The following NEIL1 variants were observed in gnomAD, a reference collection of about 807,000 sequenced individuals.
NEIL1 encodes the protein nei like DNA glycosylase 1.
A neutral mutation model predicts 44.2 loss-of-function variants in NEIL1; 31 were observed. The observed-to-expected ratio is 0.70, with a 90% confidence interval of 0.53 to 0.95. The LOEUF (loss-of-function observed/expected upper bound fraction) is 0.95, where lower values mean the gene tolerates loss of function less well. NEIL1 is among the 40% of genes least tolerant of loss of function. The pLI, the probability that NEIL1 is intolerant of heterozygous loss-of-function variation, is 0.00. For missense variants in NEIL1, 549 were observed against 515.5 expected (o/e 1.07, Z -0.63); for synonymous variants, 254 against 209.7 (o/e 1.21, Z -1.83).
chr15:75,349,500 G>C, intron 2 of NEIL1, 161 bp downstream of exon 2: 3 of 705,708 alleles, frequency 4.3e-6, no homozygotes, highest in Non-Finnish European at 6.9e-6. Flanking sequence ...AGCTCCCTGA[G>C]CCAGTGGGCA....
Position 75,356,080 on chromosome 15 carries a change from C to T in NEIL1, c.*1046C>T, listed in dbSNP as rs1038276859. 3 of 1,613,534 alleles carry T rather than the reference C, an allele frequency of 1.9e-6. No individual in the cohort carries two copies. The highest frequency in any genetic ancestry group is 2.5e-6 in the Non-Finnish European group (3 of 1,179,754). On this transcript the variant is annotated 3_prime_UTR_variant, in exon 10 of 10. Coordinates refer to ENST00000355059, the MANE Select transcript of NEIL1 (RefSeq NM_024608.4). The surrounding 1 kb of genome is among the most constrained non-coding windows in gnomAD (Gnocchi z 5.8). The stretch of plus-strand genomic sequence containing the variant: ...AAGGCTCTGCGAGGGCGAGACTCGA[C>T]CCCCGCCCCAATCCCACACCGCCAC...
intron 7 of NEIL1, 40 bp downstream of exon 7, chr15:75,354,317 G>A (rs375888388): frequency 2.7e-5 from 44 of 1,613,488 alleles, no homozygotes; most frequent in Admixed American, 8.3e-5. Context: ...AGAGCAGAAA[G>A]GACTTCACGC....
chr15:75,349,866 G>A (rs1435737209), intron 2 of NEIL1, among the ~76,000 whole-genome samples: 2 of 152,206 alleles, frequency 1.3e-5, no homozygotes, highest in African/African-American at 4.8e-5. Flanking sequence ...GAGCCAAGAG[G>A]AGGATGGGTA....
intron 2 of NEIL1, among the ~76,000 whole-genome samples, chr15:75,350,907 C>CT (rs780724894): frequency 8.1e-4 from 124 of 152,338 alleles, no homozygotes; most frequent in Middle Eastern, 6.8e-3. Context: ...CCCCAGAACT[C>CT]TGTCTTCTGA....
rs751648947 is a variant in NEIL1, at chr15:75,354,268, G to A, written c.865G>A (p.Ala289Thr). 42 of 1,613,996 alleles carry A rather than the reference G, an allele frequency of 2.6e-5. No homozygotes were observed. The highest frequency in any genetic ancestry group is 3.6e-5 in the Non-Finnish European group (42 of 1,179,992). ...ATTTTAGGGGGATCCTGGACCGTTG[G>A]CACCCAAAGGTAAGCTACTCCTAAT... is the stretch of plus-strand genomic sequence containing the variant. ...IWFQGDPGPLAPKGRKSRKKK... is the reference protein window; with the variant it reads ...IWFQGDPGPLTPKGRKSRKKK... Residue 289 changes from alanine (A) to threonine (T), a missense_variant, in exon 7 of 10, where the codon GCA becomes ACA. By Grantham distance (58) the Ala-to-Thr change is moderately conservative (BLOSUM62 0). Transcript: ENST00000355059.
At chr15:75,352,494 G>A (rs889812128) in intron 4 of NEIL1, 107 bp downstream of exon 4, 1 of 1,547,030 alleles carries the variant, frequency 6.5e-7, no homozygotes, top group Non-Finnish European at 8.9e-7. Context: ...CAACAACAGG[G>A]GTGGGGAGGG....
In NEIL1 at chr15:75,355,265, G is replaced by A. The variant is rs2072257742; in HGVS notation, c.*231G>A. Reference sequence around the variant, plus strand: ...CATTTGAACTTCTTGGCACCTCTTGGTCTGAGATGGCCAGGTAGGAAGGGC... The same window carrying A: ...CATTTGAACTTCTTGGCACCTCTTGATCTGAGATGGCCAGGTAGGAAGGGC... On this transcript the variant is annotated 3_prime_UTR_variant, in exon 10 of 10. Transcript: ENST00000355059. 2.0e-6 allele frequency: 1 copy of A among 509,590 alleles called. No individual in the cohort carries two copies. The highest frequency in any genetic ancestry group is 3.5e-5 in the Admixed American group (1 of 28,474). The allele number at this position is 509,590 out of a possible 1,614,324, so 31.6% of individuals were successfully genotyped here.
At position 75,355,732 on chromosome 15, in the gene NEIL1, CAGACTTCCCA is replaced by C; in HGVS notation, c.*699_*708del. On this transcript the variant is annotated 3_prime_UTR_variant, in exon 10 of 10. Transcript: ENST00000355059. ...AAATACCTGGGAAGCCATCCCACCCCAGACTTCCCACCCCCACCCCAAGCGTGAGGATGGG... is the reference window on the plus strand; with the variant it reads ...AAATACCTGGGAAGCCATCCCACCCCCCCCCACCCCAAGCGTGAGGATGGG... 1.6e-6 allele frequency: 1 copy of C among 612,484 alleles called. No homozygotes were observed. 37.9% of individuals were successfully genotyped at this position (612,484 alleles called of 1,614,324 possible). A position where few individuals can be genotyped will look rare whatever the true frequency, so the allele number is the denominator to read the frequency against.
At chr15:75,352,492 G>C in intron 4 of NEIL1, 105 bp downstream of exon 4, 1 of 1,544,884 alleles carries the variant, frequency 6.5e-7, no homozygotes. Context: ...CTCAACAACA[G>C]GGGTGGGGAG....
At position 75,354,731 on chromosome 15, in the gene NEIL1, C is replaced by A. The variant is rs747060415; in HGVS notation, c.1015C>A (p.Arg339=). Residue 339 remains arginine, a synonymous_variant, in exon 9 of 10, where the codon CGG becomes AGG. Coordinates refer to ENST00000355059, the MANE Select transcript of NEIL1 (RefSeq NM_024608.4). ...CCTTCCTAAGAGGACTGCAACCCAGCGGCCTGAGGGGACCAGCCTCCAGCA... is the reference window on the plus strand; with the variant it reads ...CCTTCCTAAGAGGACTGCAACCCAGAGGCCTGAGGGGACCAGCCTCCAGCA... ...RDLPKRTATQ[R]PEGTSLQQDP... is the part of the protein sequence containing the mutation. 1.5e-5 allele frequency: 25 copies of A among 1,614,018 alleles called. No individual in the cohort carries two copies. The South Asian group carries it at 2.4e-4, about 16-fold the overall frequency.
intron 2 of NEIL1, among the ~76,000 whole-genome samples, chr15:75,350,572 T>A (rs1567236733): frequency 6.6e-6 from 1 of 152,184 alleles, no homozygotes; most frequent in African/African-American, 2.4e-5. Context: ...TGGGGGATGC[T>A]GTGCGTCCGT....
intron 6 of NEIL1, 157 bp downstream of exon 6, chr15:75,354,023 C>T: frequency 8.7e-7 from 1 of 1,148,086 alleles, no homozygotes; most frequent in Non-Finnish European, 1.2e-6. Context: ...CCATGCGTCC[C>T]AGGGTTGCAG....
In NEIL1 at chr15:75,354,683, A is replaced by G. The variant is rs142433613; in HGVS notation, c.967A>G (p.Arg323Gly). ...DALPPSKAPS[R>G]TRRAKRDLPK... ...TTTGCCTCCAAGCAAGGCCCCTTCC[A>G]GGACACGAAGGGCAAAGAGAGACCT... The change falls in exon 9 of 10, where the codon AGG (arginine) becomes GGG (glycine). Residue 323 changes from arginine (R) to glycine (G), a missense_variant. By Grantham distance (125) the Arg-to-Gly change is moderately radical (BLOSUM62 -2). Transcript: ENST00000355059. 734 of 1,614,164 alleles carry G rather than the reference A, an allele frequency of 4.5e-4. No individual in the cohort carries two copies. In the African/African-American group the frequency reaches 6.2e-3, roughly 14 times the overall value.
At position 75,349,120 on chromosome 15, in the gene NEIL1, C is replaced by T. The variant is rs1567230345; in HGVS notation, c.215C>T (p.Pro72Leu). ...PLPGAQPQQE[P>L]LALVFRFGMS... is the part of the protein sequence containing the mutation. ...CCTGGGGCCCAGCCCCAACAGGAGC[C>T]ACTGGCCCTGGTCTTCCGCTTCGGC... The change falls in exon 2 of 10, where the codon CCA becomes CTA. Residue 72 changes from proline (P) to leucine (L), a missense_variant. Pro to Leu is a moderately conservative substitution (Grantham distance 98). Transcript: ENST00000355059. 1.2e-6 allele frequency: 2 copies of T among 1,611,726 alleles called. No homozygotes were observed. The highest frequency in any genetic ancestry group is 4.5e-5 in the East Asian group (2 of 44,888).
chr15:75,356,029 G>A lies in NEIL1; in HGVS notation c.*995G>A, dbSNP rs370543184. The stretch of plus-strand genomic sequence containing the variant: ...CAGGGTCTGGTCGCTCCAAGAGATC[G>A]CAGCTGGAGAACAGGAGGGGCCATG... On this transcript the variant is annotated 3_prime_UTR_variant, in exon 10 of 10. Transcript: ENST00000355059. This position sits in a 1 kb window ranked among gnomAD's most constrained non-coding sequence, Gnocchi z 5.8. 35 of 1,613,924 alleles carry A rather than the reference G, an allele frequency of 2.2e-5. No individual in the cohort carries two copies. The highest frequency in any genetic ancestry group is 1.0e-4 in the Admixed American group (6 of 59,990).
rs1049182595 is a variant in NEIL1, at chr15:75,354,483, C to CA, written c.928dup (p.Arg310LysfsTer24). On this transcript the variant is annotated frameshift_variant, in exon 8 of 10. Coordinates refer to ENST00000355059, the MANE Select transcript of NEIL1 (RefSeq NM_024608.4). LOFTEE classifies it high-confidence loss of function. ...AGGCCACACAGCTGAGTCCTGAGGA[C>CA]AGAGTGGAGGTATGGCTGCCTGCTC... 3.7e-6 allele frequency: 6 copies of CA among 1,614,084 alleles called. No individual in the cohort carries two copies. The African/African-American group carries it at 8.0e-5, about 22-fold the overall frequency.
At chr15:75,347,670 A>AG (rs758410695) in intron 1 of NEIL1, 197 bp downstream of exon 1, 15 of 305,290 alleles carry the variant, frequency 4.9e-5, no homozygotes, top group African/African-American at 9.1e-5. Flanking sequence ...GTTCCCGGGG[A>AG]GGGGGCGTGC....
chr15:75,348,885 ACT>A lies in NEIL1; in HGVS notation c.-18_-17del. The A allele has an allele frequency of 6.2e-7, 1 of 1,606,204 alleles. No individual in the cohort carries two copies. Among genetic ancestry groups the A allele is most frequent in the Non-Finnish European group, 8.5e-7 (1 of 1,178,028 alleles). On this transcript the variant is annotated splice_region_variant and 5_prime_UTR_variant, in exon 2 of 10. Coordinates refer to ENST00000355059, the MANE Select transcript of NEIL1 (RefSeq NM_024608.4). ...ACCCGCTGCCTTCCTCCCCAACAGG[ACT>A]CTGCCACCCTCCCTCAGGATGCCTG...
intron 8 of NEIL1, 32 bp from the exon 9 acceptor site, chr15:75,354,620 AG>A (rs2072206888): frequency 5.6e-6 from 9 of 1,613,790 alleles, no homozygotes; most frequent in Non-Finnish European, 7.6e-6. Context: ...CTGCTTTCTG[AG>A]CCCCTCAGGG....
Sources: gnomAD v4.1 joint callset for allele counts (sites outside exome capture counted in the v4.1 genomes callset) on GRCh38, gnomAD v4.1.1 for gene constraint, Gnocchi (gnomAD v3.1) non-coding constraint, MANE v1.5 for transcripts, NCBI Gene and HGNC (gene_info 2026-07-23, HGNC 2026-07-21) for gene names.